Variants in STK3 observed in about 807,000 individuals in gnomAD.
STK3 encodes serine/threonine kinase 3, also known as serine/threonine-protein kinase 3.
Under a neutral mutation model 58.0 loss-of-function variants are expected in STK3, and 41 were observed. The ratio of observed to expected loss-of-function variants is 0.71; its 90% CI spans 0.55 to 0.92. The LOEUF is 0.92. Among genes scored for constraint, STK3 ranks in the 40% least tolerant of loss-of-function variants. The pLI, the probability that STK3 is intolerant of heterozygous loss-of-function variation, is 0.00. For synonymous variants in STK3, 170 were observed against 191.0 expected, an observed-to-expected ratio of 0.89 and a Z score of 0.91; for missense variants, 479 against 602.7, an observed-to-expected ratio of 0.79 and a Z score of 2.15.
At chr8:98,645,198 T>A (rs941339862) in intron 6 of STK3, among the ~76,000 whole-genome samples, 2 of 152,304 alleles carry the variant, frequency 1.3e-5, no homozygotes, top group Admixed American at 6.5e-5. Flanking sequence ...CGAGACTCAT[T>A]TAAACAGCAG....
intron 6 of STK3, among the ~76,000 whole-genome samples, chr8:98,668,988 C>CTTTTTT (rs35407432): frequency 7.4e-4 from 82 of 111,076 alleles, no homozygotes; most frequent in East Asian, 1.3e-3. Context: ...TTAATCTTGT[C>CTTTTTT]TTTTTTTTTT....
Position 98,619,704 on chromosome 8 carries a change from T to C in STK3, c.685-23535A>G, listed in dbSNP as rs71514995. Reference sequence around the variant, plus strand: ...AGAAGACATTTATGCAGCCAAAAAATACATGAAAAAATGCTCATCATCACT... The same window carrying C: ...AGAAGACATTTATGCAGCCAAAAAACACATGAAAAAATGCTCATCATCACT... On this transcript the variant is annotated intron_variant, in intron 6 of 10. Coordinates refer to ENST00000419617, the MANE Select transcript of STK3 (RefSeq NM_006281.4). 1.1e-4 allele frequency among the ~76,000 whole-genome samples: 16 copies of C among 142,132 alleles called. No homozygotes were observed. In the South Asian group the frequency reaches 3.5e-3, roughly 31 times the overall value. The allele number at this position is 142,132 out of a possible 152,430, so 93.2% of individuals were successfully genotyped here.
At chr8:98,850,702 G>A (rs1836427969) in intron 3 of STK3, among the ~76,000 whole-genome samples, 1 of 152,218 alleles carries the variant, frequency 6.6e-6, no homozygotes, top group Non-Finnish European at 1.5e-5. Flanking sequence ...GTGTGACTGC[G>A]ACGTGCAGTG....
intron 1 of STK3, among the ~76,000 whole-genome samples, chr8:98,380,093 T>C (rs1817716753): frequency 6.6e-6 from 1 of 152,132 alleles, no homozygotes; most frequent in Non-Finnish European, 1.5e-5. Flanking sequence ...GTATCTAAAA[T>C]AGTCAAATTC....
intron 3 of STK3, chr8:98,432,843 G>T (rs1407531078): frequency 1.8e-5 from 3 of 166,592 alleles, no homozygotes; most frequent in African/African-American, 7.2e-5. Flanking sequence ...GACACAGGCT[G>T]CACTGAACCA....
chr8:98,425,032 C>T (rs1008307810), intron 3 of STK3, among the ~76,000 whole-genome samples: 8 of 152,148 alleles, frequency 5.3e-5, no homozygotes, highest in African/African-American at 1.9e-4. Flanking sequence ...ATCACCCCGC[C>T]GAAGGTGTGG....
intron 8 of STK3, among the ~76,000 whole-genome samples, chr8:98,561,785 A>G (rs560321156): frequency 6.6e-6 from 1 of 152,326 alleles, no homozygotes; most frequent in South Asian, 2.1e-4. Context: ...AAGGACTCGT[A>G]TCCAAAATAC....
intron 6 of STK3, among the ~76,000 whole-genome samples, chr8:98,642,220 A>G (rs1820076603): frequency 6.6e-6 from 1 of 152,166 alleles, no homozygotes; most frequent in Non-Finnish European, 1.5e-5. Flanking sequence ...AGAGGCCAGG[A>G]AGGGGAGCGG....
At chr8:98,792,924 G>A (rs1832900291) in intron 1 of STK3, among the ~76,000 whole-genome samples, 1 of 150,826 alleles carries the variant, frequency 6.6e-6, no homozygotes, top group African/African-American at 2.5e-5. Flanking sequence ...GTGTGTGTGT[G>A]TATTACATAT....
At chr8:98,939,766 C>G (rs1232401735) in intron 1 of STK3, among the ~76,000 whole-genome samples, 1 of 152,250 alleles carries the variant, frequency 6.6e-6, no homozygotes, top group African/African-American at 2.4e-5. Context: ...CTAGTCTTTT[C>G]CGAGGATGTT....
chr8:98,844,425 G>A (rs947717852), intron 3 of STK3, among the ~76,000 whole-genome samples: 12 of 152,170 alleles, frequency 7.9e-5, no homozygotes, highest in Admixed American at 4.6e-4. Flanking sequence ...CAGCCTGCAA[G>A]GGGGCTGACA....
At chr8:98,521,754 C>T (rs1350438094) in intron 10 of STK3, among the ~76,000 whole-genome samples, 1 of 152,154 alleles carries the variant, frequency 6.6e-6, no homozygotes, top group East Asian at 1.9e-4. Flanking sequence ...ATTATGCTTT[C>T]CTACTGCTAA....
chr8:98,797,150 A>T (rs1448186260), intron 1 of STK3, among the ~76,000 whole-genome samples: 1 of 152,232 alleles, frequency 6.6e-6, no homozygotes, highest in Non-Finnish European at 1.5e-5. Context: ...TGTTTACAGC[A>T]GCTACACTCA....
intron 3 of STK3, among the ~76,000 whole-genome samples, chr8:98,424,779 G>T (rs1818209510): frequency 6.6e-6 from 1 of 152,204 alleles, no homozygotes. Context: ...AGAAAAAGGT[G>T]ATTTATGCAC....
intron 3 of STK3, among the ~76,000 whole-genome samples, chr8:98,416,364 G>GTTT (rs57447680): frequency 8.8e-5 from 7 of 79,532 alleles, no homozygotes; most frequent in East Asian, 3.6e-4. Flanking sequence ...GTTTGAAACT[G>GTTT]TTTTTTTTTT....
chr8:98,469,537 A>G (rs764116264), intron 10 of STK3, among the ~76,000 whole-genome samples: 13 of 152,178 alleles, frequency 8.5e-5, no homozygotes, highest in Non-Finnish European at 1.8e-4. Context: ...AGAGGCAGAG[A>G]ACTGAGGTTG....
chr8:98,588,376 A>G (rs1814874780), intron 7 of STK3, among the ~76,000 whole-genome samples: 1 of 151,522 alleles, frequency 6.6e-6, no homozygotes, highest in Non-Finnish European at 1.5e-5. Flanking sequence ...TTGGCTGGAT[A>G]TGAAATTCTG....
At chr8:98,853,637 C>T (rs1836561399) in intron 3 of STK3, among the ~76,000 whole-genome samples, 1 of 152,172 alleles carries the variant, frequency 6.6e-6, no homozygotes. Context: ...TTGCATCTAG[C>T]CACACTCATT....
chr8:98,869,432 A>T (rs981485120), intron 3 of STK3, among the ~76,000 whole-genome samples: 3 of 152,184 alleles, frequency 2.0e-5, no homozygotes, highest in African/African-American at 7.2e-5. Flanking sequence ...AAAAATAAAT[A>T]AATAAAATAA....
Sources: gnomAD v4.1 joint callset for allele counts (sites outside exome capture counted in the v4.1 genomes callset) on GRCh38, gnomAD v4.1.1 for gene constraint, MANE v1.5 for transcripts, NCBI Gene and HGNC (gene_info 2026-07-23, HGNC 2026-07-21) for gene names.